Variants in RAB1A observed in about 807,000 individuals in gnomAD.
RAB1A encodes the protein RAB1A, member RAS oncogene family.
A neutral mutation model predicts 26.0 loss-of-function variants in RAB1A; 2 were observed. The observed-to-expected ratio is 0.08, with a 90% CI of 0.03 to 0.24. RAB1A has a LOEUF of 0.24. RAB1A is among the 10% of genes least tolerant of loss of function. The pLI, the probability that RAB1A is intolerant of heterozygous loss-of-function variation, is 1.00. For synonymous variants in RAB1A, 84 were observed against 84.9 expected (o/e 0.99, Z 0.06); for missense variants, 100 against 247.0 (o/e 0.40, Z 3.99).
intron 1 of RAB1A, among the ~76,000 whole-genome samples, chr2:65,115,833 A>G (rs1424471995): frequency 2.0e-5 from 3 of 152,200 alleles, no homozygotes; most frequent in African/African-American, 7.2e-5. Flanking sequence ...CCAGGTTCCA[A>G]TATAGTTCTG....
intron 1 of RAB1A, among the ~76,000 whole-genome samples, chr2:65,127,659 G>C (rs562983064): frequency 2.6e-5 from 4 of 152,332 alleles, no homozygotes; most frequent in Middle Eastern, 3.4e-3. Context: ...CCAGGAGGCG[G>C]AGGTGGCGGT....
chr2:65,105,886 C>T (rs1669544819), intron 1 of RAB1A, among the ~76,000 whole-genome samples: 1 of 152,126 alleles, frequency 6.6e-6, no homozygotes, highest in African/African-American at 2.4e-5. Context: ...CCTCAGCCTC[C>T]CGAGTAGCTG....
At chr2:65,126,195 TC>T (rs1417863220) in intron 1 of RAB1A, among the ~76,000 whole-genome samples, 1 of 151,706 alleles carries the variant, frequency 6.6e-6, no homozygotes, top group Non-Finnish European at 1.5e-5. Context: ...ATGCCTGTAA[TC>T]CCAGCTACTC....
intron 1 of RAB1A, among the ~76,000 whole-genome samples, chr2:65,123,157 G>C (rs1166895971): frequency 1.3e-5 from 2 of 151,122 alleles, no homozygotes; most frequent in East Asian, 2.0e-4. Flanking sequence ...CAGGATGTTA[G>C]CACATACGTA....
chr2:65,128,461 GA>G (rs201672219), intron 1 of RAB1A, among the ~76,000 whole-genome samples: 3 of 151,756 alleles, frequency 2.0e-5, no homozygotes, highest in South Asian at 2.1e-4. Flanking sequence ...TGGAGCCCTT[GA>G]AAAAAAATTT....
chr2:65,094,523 G>A (rs1669240205), intron 3 of RAB1A, among the ~76,000 whole-genome samples: 1 of 150,912 alleles, frequency 6.6e-6, no homozygotes, highest in Admixed American at 6.6e-5. Flanking sequence ...GGCGGAGGTT[G>A]CAGTGAGCCG....
intron 1 of RAB1A, among the ~76,000 whole-genome samples, chr2:65,111,633 T>G (rs1669696654): frequency 6.6e-6 from 1 of 152,216 alleles, no homozygotes; most frequent in South Asian, 2.1e-4. Flanking sequence ...CAATGTTTAT[T>G]TCTTAATTTG....
intron 1 of RAB1A, among the ~76,000 whole-genome samples, chr2:65,128,610 G>T (rs10185243): frequency 0.62 from 94,961 of 152,026 alleles, 30,138 homozygotes; most frequent in Non-Finnish European, 0.68. Context: ...TACAAAACTT[G>T]TAAGCATTTT....
At chr2:65,116,627 G>T (rs980987321) in intron 1 of RAB1A, among the ~76,000 whole-genome samples, 1 of 152,146 alleles carries the variant, frequency 6.6e-6, no homozygotes, top group Admixed American at 6.5e-5. Context: ...AAAACCATGA[G>T]ATAACAATAC....
At chr2:65,090,928 T>C in intron 4 of RAB1A, 55 bp downstream of exon 4, 1 of 1,241,126 alleles carries the variant, frequency 8.1e-7, no homozygotes, top group Non-Finnish European at 1.1e-6. Flanking sequence ...CTGACATTAA[T>C]CAAATAATGG....
rs1022161296 is a variant in RAB1A, at chr2:65,127,972, G to A, written c.23+1921C>T. 3.3e-5 allele frequency among the ~76,000 whole-genome samples: 5 copies of A among 152,214 alleles called. No homozygotes were observed. In the East Asian group the frequency reaches 9.7e-4, roughly 29 times the overall value. ...GATGGTCTCGATCTCCTGACCTCGG[G>A]ATCCGCCCGCCTCGGCCTCCCAAAG... On this transcript the variant is annotated intron_variant, in intron 1 of 5. Transcript: ENST00000409784.
At position 65,127,915 on chromosome 2, in the gene RAB1A, T is replaced by C. The variant is rs186565737; in HGVS notation, c.23+1978A>G. Among the ~76,000 whole-genome samples the C allele has an allele frequency of 3.7e-3, 567 of 152,166 alleles. 2 individuals are homozygous for C. Among genetic ancestry groups the C allele is most frequent in the African/African-American group, 0.013 (537 of 41,522 alleles). On this transcript the variant is annotated intron_variant, in intron 1 of 5. Coordinates refer to ENST00000409784, the MANE Select transcript of RAB1A (RefSeq NM_004161.5). ...CGCCCGGCTAATTTTTTTGCATTTT[T>C]AGTAGAGACGGGGTTTCACCGTGTT...
chr2:65,118,034 T>C (rs1332856240), intron 1 of RAB1A, among the ~76,000 whole-genome samples: 2 of 152,252 alleles, frequency 1.3e-5, no homozygotes, highest in African/African-American at 2.4e-5. Context: ...TTTCCTTGTT[T>C]GTAAAACTAG....
chr2:65,123,503 G>A (rs572059586), intron 1 of RAB1A, among the ~76,000 whole-genome samples: 2 of 152,094 alleles, frequency 1.3e-5, no homozygotes, highest in South Asian at 4.2e-4. Flanking sequence ...AGATACCTGA[G>A]AAATAAAATT....
At chr2:65,096,300 G>GC (rs1169925617) in intron 3 of RAB1A, among the ~76,000 whole-genome samples, 2 of 152,162 alleles carry the variant, frequency 1.3e-5, no homozygotes, top group African/African-American at 4.8e-5. Context: ...GGGAGACAGA[G>GC]CAATACTGTA....
At chr2:65,101,180 C>A (rs1026924836) in intron 2 of RAB1A, among the ~76,000 whole-genome samples, 2 of 151,620 alleles carry the variant, frequency 1.3e-5, no homozygotes, top group Non-Finnish European at 2.9e-5. Context: ...ATGCTGAATT[C>A]TTGTAAATCT....
At chr2:65,111,604 T>C (rs973980820) in intron 1 of RAB1A, among the ~76,000 whole-genome samples, 1 of 152,182 alleles carries the variant, frequency 6.6e-6, no homozygotes, top group African/African-American at 2.4e-5. Context: ...CCAGATTAAG[T>C]CTATAGTTAA....
intron 1 of RAB1A, chr2:65,106,336 A>C (rs1213768179): frequency 3.3e-6 from 1 of 302,854 alleles, no homozygotes; most frequent in Non-Finnish European, 6.5e-6. Context: ...AAATATGCTA[A>C]AGTGAAAACC....
At chr2:65,125,843 T>A (rs1372682664) in intron 1 of RAB1A, among the ~76,000 whole-genome samples, 1 of 150,820 alleles carries the variant, frequency 6.6e-6, no homozygotes, top group Non-Finnish European at 1.5e-5. Flanking sequence ...TTTTAACTGT[T>A]CAGATTACAC....
Sources: gnomAD v4.1 joint callset for allele counts (sites outside exome capture counted in the v4.1 genomes callset) on GRCh38, gnomAD v4.1.1 for gene constraint, MANE v1.5 for transcripts, NCBI Gene and HGNC (gene_info 2026-07-23, HGNC 2026-07-21) for gene names.